LRP6: variants seen among roughly 807,000 people sequenced by gnomAD.
LRP6 encodes low-density lipoprotein receptor-related protein 6.
Under a neutral mutation model 184.1 loss-of-function variants are expected in LRP6, and 43 were observed. The observed-to-expected ratio is 0.23, with a 90% CI of 0.18 to 0.30. The LOEUF is 0.30. Among genes scored for constraint, LRP6 ranks in the 10% least tolerant of loss-of-function variants. The probability of loss-of-function intolerance (pLI) is 1.00; values close to 1 mark genes in which losing one functional copy is unlikely to be tolerated. For synonymous variants in LRP6, 719 were observed against 684.9 expected, an observed-to-expected ratio of 1.05 and a Z score of -0.78; for missense variants, 1,571 against 2,005.3, an observed-to-expected ratio of 0.78 and a Z score of 4.14.
At chr12:12,139,735 A>C (rs1308758507) in intron 15 of LRP6, among the ~76,000 whole-genome samples, 1 of 152,090 alleles carries the variant, frequency 6.6e-6, no homozygotes, top group East Asian at 1.9e-4. Context: ...AAAAAAAAGA[A>C]AGAAAGAAAA....
chr12:12,224,141 T>C (rs1864555371), intron 2 of LRP6, among the ~76,000 whole-genome samples: 1 of 152,180 alleles, frequency 6.6e-6, no homozygotes, highest in South Asian at 2.1e-4. Flanking sequence ...TTCTTCTGTC[T>C]CAATCTGCAT....
intron 2 of LRP6, among the ~76,000 whole-genome samples, chr12:12,240,380 T>C (rs1865033156): frequency 6.6e-6 from 1 of 152,050 alleles, no homozygotes; most frequent in African/African-American, 2.4e-5. Context: ...GAGACCATCC[T>C]GGCTAACATG....
chr12:12,127,006 G>A (rs781684730), intron 19 of LRP6, 85 bp from the exon 20 acceptor site: 21 of 1,105,476 alleles, frequency 1.9e-5, no homozygotes, highest in Non-Finnish European at 2.5e-5. Flanking sequence ...TTGCTAATAG[G>A]ATGTGAAGCT....
At chr12:12,160,084 G>C in intron 10 of LRP6, 120 bp from the exon 11 acceptor site, 1 of 715,342 alleles carries the variant, frequency 1.4e-6, no homozygotes, top group Non-Finnish European at 2.2e-6. Context: ...CAAGGAAATG[G>C]GTTAAACAAA....
rs766737448 is a variant in LRP6, at chr12:12,125,374, T to G, written c.4371A>C (p.Gly1457=). Residue 1457 remains glycine, a synonymous_variant, in exon 21 of 23, where the codon GGA becomes GGC. Coordinates refer to ENST00000261349, the MANE Select transcript of LRP6 (RefSeq NM_002336.3). ...TAACATGGGCTCGGTCATAGGGGGGTCCACTGCTTCCCCCCATGATACTGA... is the reference window on the plus strand; with the variant it reads ...TAACATGGGCTCGGTCATAGGGGGGGCCACTGCTTCCCCCCATGATACTGA... ...SSLSIMGGSS[G]PPYDRAHVTG... is the part of the protein sequence containing the mutation. 4 of 1,613,206 alleles carry G rather than the reference T, an allele frequency of 2.5e-6. No homozygotes were observed. The highest frequency in any genetic ancestry group is 3.4e-6 in the Non-Finnish European group (4 of 1,179,444).
chr12:12,262,385 C>CA (rs1396802250), intron 1 of LRP6, among the ~76,000 whole-genome samples: 2 of 150,878 alleles, frequency 1.3e-5, no homozygotes, highest in East Asian at 2.0e-4. Flanking sequence ...TCTCAAAAAC[C>CA]AAAAAAATAC....
chr12:12,141,255 A>G (rs559637871), intron 15 of LRP6, among the ~76,000 whole-genome samples: 1 of 152,240 alleles, frequency 6.6e-6, no homozygotes, highest in South Asian at 2.1e-4. Flanking sequence ...AAACAAAGGC[A>G]CAGTATCAAA....
intron 22 of LRP6, among the ~76,000 whole-genome samples, chr12:12,122,335 C>T (rs999582188): frequency 3.3e-5 from 5 of 152,130 alleles, no homozygotes; most frequent in African/African-American, 9.7e-5. Flanking sequence ...TAAAGCTGAT[C>T]TTAAATTTAT....
At chr12:12,251,513 G>A (rs1003616746) in intron 1 of LRP6, among the ~76,000 whole-genome samples, 4 of 151,688 alleles carry the variant, frequency 2.6e-5, no homozygotes, top group Non-Finnish European at 5.9e-5. Context: ...ACAGGTGCCC[G>A]CCACCACGCA....
At chr12:12,220,552 G>A (rs963557545) in intron 2 of LRP6, among the ~76,000 whole-genome samples, 2 of 151,588 alleles carry the variant, frequency 1.3e-5, no homozygotes, top group Admixed American at 6.6e-5. Context: ...TAAAGTAGAG[G>A]GATTTCTATT....
At chr12:12,254,143 CAAAAAAAAAAAAAA>C (rs34210761) in intron 1 of LRP6, among the ~76,000 whole-genome samples, 5 of 74,374 alleles carry the variant, frequency 6.7e-5, no homozygotes, top group East Asian at 4.9e-4. Flanking sequence ...GACTCTGTCT[CAAAAAAAAAAAAAA>C]AAAAAAAAGA....
intron 1 of LRP6, among the ~76,000 whole-genome samples, chr12:12,258,903 G>C (rs1321235330): frequency 6.6e-6 from 1 of 152,130 alleles, no homozygotes; most frequent in African/African-American, 2.4e-5. Context: ...ATAGCCTCCT[G>C]GTTAAACATA....
intron 1 of LRP6, among the ~76,000 whole-genome samples, chr12:12,246,591 G>A (rs1268508688): frequency 6.6e-6 from 1 of 151,724 alleles, no homozygotes; most frequent in Non-Finnish European, 1.5e-5. Flanking sequence ...TAGGTACTCA[G>A]GAGACTAAAA....
At chr12:12,192,567 G>T (rs1339573132) in intron 3 of LRP6, among the ~76,000 whole-genome samples, 2 of 151,886 alleles carry the variant, frequency 1.3e-5, no homozygotes, top group South Asian at 4.1e-4. Flanking sequence ...GAAAAGAAAA[G>T]GTTACAGTAG....
intron 2 of LRP6, among the ~76,000 whole-genome samples, chr12:12,203,882 T>A (rs890615021): frequency 6.6e-6 from 1 of 152,198 alleles, no homozygotes; most frequent in Non-Finnish European, 1.5e-5. Context: ...GCCCTGGTAA[T>A]ACCTGATTCA....
chr12:12,192,087 A>G (rs370093505), intron 3 of LRP6, among the ~76,000 whole-genome samples: 23 of 152,180 alleles, frequency 1.5e-4, no homozygotes, highest in Admixed American at 7.2e-4. Flanking sequence ...GTATAAAGCA[A>G]TAAGTATAAC....
chr12:12,123,733 G>C (rs1473139232), intron 22 of LRP6, among the ~76,000 whole-genome samples: 1 of 152,140 alleles, frequency 6.6e-6, no homozygotes, highest in East Asian at 1.9e-4. Context: ...TAGCAAAAAG[G>C]AATAATTTTC....
rs1949680306 is a variant in LRP6 at position 12,126,928 on chromosome 12, T to C, written c.4082-7A>G. ...GCTGGTTCTTCAGTCGGATCTACAA[T>C]GAAGAATGCAGTATGGTTATTTAAT... On this transcript the variant is annotated splice_polypyrimidine_tract_variant and splice_region_variant and intron_variant, in intron 19 of 22. Coordinates refer to ENST00000261349, the MANE Select transcript of LRP6 (RefSeq NM_002336.3). The C allele has an allele frequency of 4.4e-6, 7 of 1,606,376 alleles. No homozygotes were observed. Among genetic ancestry groups the C allele is most frequent in the Non-Finnish European group, 6.0e-6 (7 of 1,173,038 alleles).
chr12:12,181,576 G>C, intron 5 of LRP6, 137 bp from the exon 6 acceptor site: 1 of 671,564 alleles, frequency 1.5e-6, no homozygotes, highest in Non-Finnish European at 2.6e-6. Flanking sequence ...ACTCTCTTTA[G>C]AGTGGAAATG....
Sources: allele counts gnomAD v4.1 joint callset (sites outside exome capture counted in the v4.1 genomes callset), GRCh38; gene constraint gnomAD v4.1.1; transcripts MANE v1.5; gene names NCBI Gene and HGNC (gene_info 2026-07-23, HGNC 2026-07-21).